The following KSR2 variants were observed in gnomAD, a reference collection of about 807,000 sequenced individuals.
KSR2 encodes kinase suppressor of ras 2.
Under a neutral mutation model 107.8 loss-of-function variants are expected in KSR2, and 25 were observed. That is an observed-to-expected ratio of 0.23 (90% CI 0.17 to 0.32). The LOEUF is 0.32. Among genes scored for constraint, KSR2 ranks in the 10% least tolerant of loss-of-function variants. The pLI is 1.00. For missense variants in KSR2, 887 were observed against 1,268.9 expected, an observed-to-expected ratio of 0.70 and a Z score of 4.57; for synonymous variants, 480 against 507.0, an observed-to-expected ratio of 0.95 and a Z score of 0.71.
intron 14 of KSR2, among the ~76,000 whole-genome samples, chr12:117,495,814 G>A (rs1003829671): frequency 1.3e-5 from 2 of 152,208 alleles, no homozygotes; most frequent in Non-Finnish European, 2.9e-5. Context: ...CAGAACTTTG[G>A]GAGGCCAAGG....
At position 117,760,998 on chromosome 12, in the gene KSR2, C is replaced by T. The variant is rs928019848; in HGVS notation, c.986+13G>A. 1 of 1,612,970 alleles carries T rather than the reference C, an allele frequency of 6.2e-7. No individual in the cohort carries two copies. Among genetic ancestry groups the T allele is most frequent in the South Asian group, 1.1e-5 (1 of 91,036 alleles). ...GTTTCGACCGCCCCAGGGCACCCAC[C>T]GATCGCACTCACTTGGGCGTGTGGG... On this transcript the variant is annotated intron_variant, in intron 4 of 19. Transcript: ENST00000339824.
chr12:117,808,419 A>T (rs16947962), intron 3 of KSR2, among the ~76,000 whole-genome samples: 5,093 of 152,178 alleles, frequency 0.033, 131 homozygotes, highest in South Asian at 0.12. Flanking sequence ...AAGGTTGGAA[A>T]ATCAAATGAG....
At chr12:117,926,129 G>A (rs956634853) in intron 1 of KSR2, among the ~76,000 whole-genome samples, 8 of 152,142 alleles carry the variant, frequency 5.3e-5, no homozygotes, top group African/African-American at 1.4e-4. Flanking sequence ...CCCAGGAGGC[G>A]GAGGTTGCAC....
intron 1 of KSR2, among the ~76,000 whole-genome samples, chr12:117,877,480 TAATAACGCTG>T (rs1893893947): frequency 6.6e-6 from 1 of 152,212 alleles, no homozygotes; most frequent in Non-Finnish European, 1.5e-5. Context: ...TGCTTTGTGT[TAATAACGCTG>T]TTACTGATAA....
chr12:117,910,164 G>A (rs1354895019), intron 1 of KSR2, among the ~76,000 whole-genome samples: 2 of 152,182 alleles, frequency 1.3e-5, no homozygotes, highest in African/African-American at 2.4e-5. Flanking sequence ...CTGGGAGTTT[G>A]AGGGTGCAGC....
rs879467129 is a variant in KSR2 at position 117,598,829 on chromosome 12, GA to G, written c.1172-16471del. On this transcript the variant is annotated intron_variant, in intron 5 of 19. Transcript: ENST00000339824. ...CTTTCTTTTCAGGAATTTCCCACAG[GA>G]AAAAAAAAAAAGTCTGTTTATCCTG... is the stretch of plus-strand genomic sequence containing the variant. 2.6e-3 allele frequency among the ~76,000 whole-genome samples: 367 copies of G among 142,878 alleles called. 2 individuals carry two copies. The highest frequency in any genetic ancestry group is 7.2e-3 in the African/African-American group (282 of 39,216). The allele number at this position is 142,878 out of a possible 152,430, so 93.7% of individuals were successfully genotyped here. A position where few individuals can be genotyped will look rare whatever the true frequency, so the allele number is the denominator to read the frequency against.
intron 4 of KSR2, among the ~76,000 whole-genome samples, chr12:117,708,329 T>C (rs1241673591): frequency 6.6e-6 from 1 of 152,136 alleles, no homozygotes; most frequent in East Asian, 1.9e-4. Flanking sequence ...CTCTGTGCCT[T>C]ATCTCATGGG....
intron 4 of KSR2, among the ~76,000 whole-genome samples, chr12:117,718,677 T>TCA (rs1887092887): frequency 6.6e-6 from 1 of 152,196 alleles, no homozygotes; most frequent in African/African-American, 2.4e-5. Flanking sequence ...CACCCTGCCA[T>TCA]GAAGATTAAT....
intron 13 of KSR2, among the ~76,000 whole-genome samples, chr12:117,525,913 C>A (rs1004556462): frequency 3.3e-5 from 5 of 152,180 alleles, no homozygotes; most frequent in Admixed American, 2.0e-4. Context: ...GCTTAACAAT[C>A]AGACAAAGAG....
chr12:117,815,990 A>AGTGTGTGTGTGT (rs35013081), intron 3 of KSR2, among the ~76,000 whole-genome samples: 17 of 113,586 alleles, frequency 1.5e-4, no homozygotes, highest in Non-Finnish European at 2.7e-4. Flanking sequence ...AAAAAAATAA[A>AGTGTGTGTGTGT]GTGTGTGTGT....
intron 4 of KSR2, among the ~76,000 whole-genome samples, chr12:117,725,763 T>G (rs1887400728): frequency 6.6e-6 from 1 of 152,054 alleles, no homozygotes; most frequent in Admixed American, 6.5e-5. Flanking sequence ...CTGGCCAACA[T>G]GGTGAAACCC....
chr12:117,792,507 G>C (rs998962739), intron 3 of KSR2, among the ~76,000 whole-genome samples: 1 of 152,156 alleles, frequency 6.6e-6, no homozygotes, highest in Non-Finnish European at 1.5e-5. Flanking sequence ...GAGGATTCTC[G>C]CAAAATTACA....
chr12:117,800,171 C>A (rs1890777444), intron 3 of KSR2, among the ~76,000 whole-genome samples: 1 of 152,190 alleles, frequency 6.6e-6, no homozygotes, highest in South Asian at 2.1e-4. Context: ...CACCTCTGGG[C>A]AGGGCCAGGA....
rs753510061 is a variant in KSR2, at chr12:117,761,072, G to A, written c.925C>T (p.His309Tyr). 6.2e-7 allele frequency: 1 copy of A among 1,613,824 alleles called. No homozygotes were observed. Among genetic ancestry groups the A allele is most frequent in the Non-Finnish European group, 8.5e-7 (1 of 1,179,768 alleles). ...TGGAACTCGTGGGATTTGCTCCGAT[G>A]CAGCGCGGTGAATCCCGGGATCAAG... ...IHLIPGFTALHRSKSHEFQLG... is the reference protein window; with the variant it reads ...IHLIPGFTALYRSKSHEFQLG... Residue 309 changes from histidine (H) to tyrosine (Y), a missense_variant, in exon 4 of 20, where the codon CAT becomes TAT. Coordinates refer to ENST00000339824, the MANE Select transcript of KSR2 (RefSeq NM_173598.6).
At chr12:117,948,358 C>T (rs543745983) in intron 1 of KSR2, among the ~76,000 whole-genome samples, 4 of 152,028 alleles carry the variant, frequency 2.6e-5, no homozygotes, top group Admixed American at 1.3e-4. Context: ...GGCGTGTTGG[C>T]GTGTGCCTGT....
intron 4 of KSR2, among the ~76,000 whole-genome samples, chr12:117,726,666 C>T (rs1326656150): frequency 2.6e-5 from 4 of 152,208 alleles, no homozygotes; most frequent in African/African-American, 9.7e-5. Context: ...TTGAGAACTA[C>T]TGATGATATA....
chr12:117,728,275 T>A (rs1346425405), intron 4 of KSR2, among the ~76,000 whole-genome samples: 1 of 152,154 alleles, frequency 6.6e-6, no homozygotes, highest in Admixed American at 6.5e-5. Context: ...TCCTCTTCCA[T>A]AAAGATAAGG....
intron 5 of KSR2, among the ~76,000 whole-genome samples, chr12:117,641,702 A>G (rs1883365681): frequency 6.6e-6 from 1 of 152,132 alleles, no homozygotes; most frequent in Admixed American, 6.5e-5. Flanking sequence ...GGACTTCAAC[A>G]TATCTTTTTT....
intron 1 of KSR2, among the ~76,000 whole-genome samples, chr12:117,947,257 GAAGATAA>G (rs140572369): frequency 0.046 from 5,341 of 116,164 alleles, 203 homozygotes; most frequent in African/African-American, 0.063. Context: ...AAGAAAGAAA[GAAGATAA>G]ACCACATGAC....
Sources: gnomAD v4.1 joint callset for allele counts (sites outside exome capture counted in the v4.1 genomes callset) on GRCh38, gnomAD v4.1.1 for gene constraint, MANE v1.5 for transcripts, NCBI Gene and HGNC (gene_info 2026-07-23, HGNC 2026-07-21) for gene names.